Variants in PPP1R42 observed in about 807,000 individuals in gnomAD.
PPP1R42 encodes protein phosphatase 1 regulatory subunit 42, also known as leucine rich repeat containing 67.
PPP1R42 carries 34 observed loss-of-function variants against 31.0 expected under a neutral mutation model. That is an observed-to-expected ratio of 1.10 (90% confidence interval 0.83 to 1.46). The LOEUF is 1.46. PPP1R42 is among the 40% of genes most tolerant of loss of function. The pLI is 0.00. For synonymous variants in PPP1R42, 103 were observed against 109.8 expected, an observed-to-expected ratio of 0.94 and a Z score of 0.39; for missense variants, 268 against 303.0, an observed-to-expected ratio of 0.88 and a Z score of 0.86.
intron 1 of PPP1R42, among the ~76,000 whole-genome samples, chr8:67,023,962 G>A (rs1181950849): frequency 6.6e-6 from 1 of 151,910 alleles, no homozygotes; most frequent in Non-Finnish European, 1.5e-5. Context: ...GGCCAAAATG[G>A]TGAAAACCCG....
chr8:67,027,441 A>G (rs934605329), intron 1 of PPP1R42, among the ~76,000 whole-genome samples: 13 of 152,194 alleles, frequency 8.5e-5, no homozygotes. Flanking sequence ...CCTCATCAGC[A>G]AGCTATAGGA....
At chr8:67,001,680 G>A (rs950164062) in intron 5 of PPP1R42, among the ~76,000 whole-genome samples, 6 of 152,056 alleles carry the variant, frequency 3.9e-5, no homozygotes, top group African/African-American at 4.8e-5. Context: ...ACTACTTCAC[G>A]TATAATGTAA....
intron 3 of PPP1R42, among the ~76,000 whole-genome samples, chr8:67,013,527 T>TA (rs1016149836): frequency 9.4e-6 from 1 of 106,788 alleles, no homozygotes; most frequent in African/African-American, 6.6e-5. Context: ...ATCCCATCTC[T>TA]AAATAAATAA....
chr8:66,989,384 T>G (rs775812876), intron 5 of PPP1R42, among the ~76,000 whole-genome samples: 1 of 152,194 alleles, frequency 6.6e-6, no homozygotes, highest in Non-Finnish European at 1.5e-5. Flanking sequence ...TCCTCAGTAC[T>G]TTGTCTGTTA....
chr8:66,997,843 T>C (rs951321790), intron 5 of PPP1R42, among the ~76,000 whole-genome samples: 1 of 152,204 alleles, frequency 6.6e-6, no homozygotes, highest in Non-Finnish European at 1.5e-5. Flanking sequence ...TGAGTTACCA[T>C]GCCTGTGATG....
At chr8:66,991,223 A>G (rs1815180402) in intron 5 of PPP1R42, among the ~76,000 whole-genome samples, 1 of 152,112 alleles carries the variant, frequency 6.6e-6, no homozygotes. Context: ...TGGAGCCATG[A>G]TATTTATTTG....
chr8:67,017,010 C>A (rs955015146), intron 2 of PPP1R42, among the ~76,000 whole-genome samples: 10 of 152,046 alleles, frequency 6.6e-5, no homozygotes, highest in African/African-American at 2.4e-4. Flanking sequence ...CATACACTTT[C>A]AAATCTAGTT....
At chr8:66,992,317 T>C (rs1176889742) in intron 5 of PPP1R42, among the ~76,000 whole-genome samples, 1 of 152,208 alleles carries the variant, frequency 6.6e-6, no homozygotes, top group Non-Finnish European at 1.5e-5. Flanking sequence ...TCTTCCAATC[T>C]GTTCTTCATA....
intron 7 of PPP1R42, among the ~76,000 whole-genome samples, chr8:66,969,184 T>C (rs1260537624): frequency 6.6e-6 from 1 of 152,234 alleles, no homozygotes; most frequent in African/African-American, 2.4e-5. Context: ...CACAGCTCAC[T>C]ATTGATCTAA....
intron 2 of PPP1R42, among the ~76,000 whole-genome samples, chr8:67,015,551 C>T (rs1815989062): frequency 6.6e-6 from 1 of 150,994 alleles, no homozygotes; most frequent in Admixed American, 6.6e-5. Context: ...AATAGGATTA[C>T]ATTCTTTCTT....
At chr8:66,981,482 C>T (rs1175801298) in intron 7 of PPP1R42, among the ~76,000 whole-genome samples, 3 of 150,106 alleles carry the variant, frequency 2.0e-5, no homozygotes, top group East Asian at 2.0e-4. Context: ...TGGGTTCAAG[C>T]GATTCTCCTG....
At chr8:66,988,609 CTT>C in intron 5 of PPP1R42, 92 bp from the exon 6 acceptor site, 1 of 1,176,468 alleles carries the variant, frequency 8.5e-7, no homozygotes. Context: ...GTAATTACTG[CTT>C]TCATGGAGTT....
At chr8:66,982,211 C>T in intron 6 of PPP1R42, 31 bp from the exon 7 acceptor site, 1 of 1,124,914 alleles carries the variant, frequency 8.9e-7, no homozygotes, top group South Asian at 2.1e-5. Flanking sequence ...TTAAAAAATA[C>T]AATATATACA....
chr8:66,978,215 C>G (rs1814731606), intron 7 of PPP1R42, among the ~76,000 whole-genome samples: 1 of 152,110 alleles, frequency 6.6e-6, no homozygotes, highest in African/African-American at 2.4e-5. Flanking sequence ...TACATGGTGG[C>G]AGACAAGAGA....
intron 6 of PPP1R42, among the ~76,000 whole-genome samples, chr8:66,986,583 GCA>G (rs1441787408): frequency 1.3e-5 from 2 of 152,174 alleles, no homozygotes; most frequent in Non-Finnish European, 2.9e-5. Flanking sequence ...GAGGCAGAGC[GCA>G]TGCGTCGCAG....
At chr8:67,003,437 T>A (rs187842240) in intron 5 of PPP1R42, among the ~76,000 whole-genome samples, 9 of 150,762 alleles carry the variant, frequency 6.0e-5, no homozygotes, top group Admixed American at 2.6e-4. Flanking sequence ...AAAAGCAAGA[T>A]TTTTGTGGTT....
chr8:67,025,334 A>T (rs895500236), intron 1 of PPP1R42, among the ~76,000 whole-genome samples: 4 of 151,230 alleles, frequency 2.6e-5, no homozygotes, highest in African/African-American at 9.7e-5. Context: ...CTGGTCTCAA[A>T]CTCCTGGGCT....
rs941695035 is a variant in PPP1R42, at chr8:67,028,498, G to A, written c.-92C>T. Reference sequence around the variant, plus strand: ...TCCCCGCGGGCAGCTCACCGCTCGCGGGACAGTCCGGTAGCTAACTCCAGT... The same window carrying A: ...TCCCCGCGGGCAGCTCACCGCTCGCAGGACAGTCCGGTAGCTAACTCCAGT... On this transcript the variant is annotated 5_prime_UTR_variant, in exon 1 of 8. Transcript: ENST00000685739. The A allele has an allele frequency of 3.1e-5, 31 of 985,370 alleles. No individual in the cohort carries two copies. The African/African-American group carries it at 4.9e-4, about 16-fold the overall frequency. 61.0% of individuals were successfully genotyped at this position (985,370 alleles called of 1,614,324 possible). A position where few individuals can be genotyped will look rare whatever the true frequency, so the allele number is the denominator to read the frequency against.
chr8:67,010,673 T>C (rs1349096598), intron 5 of PPP1R42, 42 bp downstream of exon 5: 1 of 1,325,240 alleles, frequency 7.5e-7, no homozygotes, highest in Non-Finnish European at 1.1e-6. Context: ...TCAATCATAA[T>C]TTCATGTAAA....
Sources: allele counts gnomAD v4.1 joint callset (sites outside exome capture counted in the v4.1 genomes callset), GRCh38; gene constraint gnomAD v4.1.1; transcripts MANE v1.5; gene names NCBI Gene and HGNC (gene_info 2026-07-23, HGNC 2026-07-21).